The following IL1RAPL2 variants were observed in gnomAD, a reference collection of about 807,000 sequenced individuals.
The protein encoded by IL1RAPL2 is X-linked interleukin-1 receptor accessory protein-like 2.
In IL1RAPL2, 3 loss-of-function variants were observed where a neutral mutation model predicts 44.1. The ratio of observed to expected loss-of-function variants is 0.07; its 90% confidence interval spans 0.03 to 0.18. The LOEUF is 0.18. IL1RAPL2 is among the 10% of genes least tolerant of loss of function. The pLI is 1.00. For synonymous variants in IL1RAPL2, 181 were observed against 178.8 expected, an observed-to-expected ratio of 1.01 and a Z score of -0.10; for missense variants, 391 against 496.4, an observed-to-expected ratio of 0.79 and a Z score of 2.02.
intron 3 of IL1RAPL2, among the ~76,000 whole-genome samples, chrX:105,208,324 A>G (rs2147618592): frequency 8.9e-6 from 1 of 111,891 alleles, no homozygotes; most frequent in Admixed American, 9.5e-5. Context: ...ATGTTTCCAC[A>G]GAGAAAATGT....
intron 2 of IL1RAPL2, among the ~76,000 whole-genome samples, chrX:104,862,391 A>G (rs770778624): frequency 3.2e-4 from 35 of 110,178 alleles, no homozygotes; most frequent in Non-Finnish European, 5.3e-4. Context: ...GTATTTCTAG[A>G]TCAAGCCTTC....
chrX:104,572,589 C>T (rs1446813198), intron 1 of IL1RAPL2, among the ~76,000 whole-genome samples: 1 of 111,565 alleles, frequency 9.0e-6, no homozygotes, highest in Non-Finnish European at 1.9e-5. Flanking sequence ...TAATCTGTCC[C>T]TTTTCTTTTT....
At chrX:105,211,634 A>G (rs782046013) in intron 3 of IL1RAPL2, among the ~76,000 whole-genome samples, 55 of 111,676 alleles carry the variant, frequency 4.9e-4, no homozygotes, top group Non-Finnish European at 8.5e-4. Flanking sequence ...CTTATTTGCA[A>G]CTGCTCTCCT....
intron 6 of IL1RAPL2, among the ~76,000 whole-genome samples, chrX:105,629,197 G>T (rs1241661790): frequency 9.0e-6 from 1 of 111,197 alleles, no homozygotes; most frequent in Non-Finnish European, 1.9e-5. Context: ...CTAACCAGTG[G>T]GCTTAGAAGC....
intron 6 of IL1RAPL2, among the ~76,000 whole-genome samples, chrX:105,575,304 A>G (rs2037042666): frequency 9.1e-6 from 1 of 110,282 alleles, no homozygotes; most frequent in East Asian, 2.9e-4. Flanking sequence ...GTCATTGGTT[A>G]TTTTTTCGAT....
chrX:104,611,470 C>T (rs1336802707), intron 1 of IL1RAPL2, among the ~76,000 whole-genome samples: 1 of 111,044 alleles, frequency 9.0e-6, no homozygotes, highest in Non-Finnish European at 1.9e-5. Flanking sequence ...CTACTCAAGC[C>T]TCAGCAGTGG....
intron 2 of IL1RAPL2, among the ~76,000 whole-genome samples, chrX:104,831,638 A>C (rs1921610396): frequency 8.9e-6 from 1 of 111,829 alleles, no homozygotes; most frequent in Admixed American, 9.6e-5. Flanking sequence ...GGCTACAGCT[A>C]TCATTATTAC....
chrX:105,358,974 G>C (rs1043150150), intron 5 of IL1RAPL2, among the ~76,000 whole-genome samples: 1 of 111,814 alleles, frequency 8.9e-6, no homozygotes, highest in African/African-American at 3.2e-5. Context: ...TGGGTCTCTG[G>C]ATGATTATCC....
At chrX:104,741,397 A>G (rs1932100015) in intron 2 of IL1RAPL2, among the ~76,000 whole-genome samples, 1 of 111,240 alleles carries the variant, frequency 9.0e-6, no homozygotes, top group African/African-American at 3.2e-5. Context: ...CTCAATTTAG[A>G]CTTGAATTTT....
At chrX:104,783,761 T>A (rs927790491) in intron 2 of IL1RAPL2, among the ~76,000 whole-genome samples, 2 of 108,015 alleles carry the variant, frequency 1.9e-5, no homozygotes, top group Non-Finnish European at 1.9e-5. Context: ...TCCCAAGTCA[T>A]ACTAGATTTA....
At chrX:105,339,994 T>C (rs1052374668) in intron 5 of IL1RAPL2, among the ~76,000 whole-genome samples, 2 of 111,904 alleles carry the variant, frequency 1.8e-5, no homozygotes, top group Non-Finnish European at 3.8e-5. Flanking sequence ...GGCTTAATCC[T>C]TGGATTTACC....
chrX:105,007,504 C>T (rs1178400232), intron 2 of IL1RAPL2, among the ~76,000 whole-genome samples: 1 of 111,447 alleles, frequency 9.0e-6, no homozygotes, highest in Admixed American at 9.5e-5. Flanking sequence ...AAGAAGGAAA[C>T]TCCATCCTAA....
At chrX:105,504,545 T>C (rs2036417913) in intron 6 of IL1RAPL2, among the ~76,000 whole-genome samples, 1 of 111,647 alleles carries the variant, frequency 9.0e-6, no homozygotes, top group African/African-American at 3.2e-5. Flanking sequence ...TAAAATTCTT[T>C]CATTATAACA....
intron 2 of IL1RAPL2, among the ~76,000 whole-genome samples, chrX:105,184,494 TTATGAA>T (rs2033565615): frequency 9.1e-6 from 1 of 109,506 alleles, no homozygotes; most frequent in African/African-American, 3.3e-5. Context: ...CATTTATAAA[TTATGAA>T]TATAATATGC....
chrX:104,970,636 A>G (rs755466780), intron 2 of IL1RAPL2, among the ~76,000 whole-genome samples: 1 of 112,367 alleles, frequency 8.9e-6, no homozygotes, highest in South Asian at 3.7e-4. Flanking sequence ...GTAAACTGAC[A>G]TGGCACTGGT....
intron 2 of IL1RAPL2, among the ~76,000 whole-genome samples, chrX:104,956,461 A>AGTGTGTGTGTGTGTGTGTGTGTGTGT (rs59541869): frequency 1.8e-3 from 148 of 84,085 alleles, no homozygotes; most frequent in African/African-American, 6.5e-3. Flanking sequence ...GTCTCTACTA[A>AGTGTGTGTGTGTGTGTGTGTGTGTGT]GTGTGTGTGT....
chrX:104,706,457 G>T (rs766784648), intron 2 of IL1RAPL2, among the ~76,000 whole-genome samples: 1 of 111,459 alleles, frequency 9.0e-6, no homozygotes, highest in Non-Finnish European at 1.9e-5. Context: ...TAAGTCTTTT[G>T]CCTCAAATCC....
At chrX:104,929,642 C>T (rs1924851462) in intron 2 of IL1RAPL2, among the ~76,000 whole-genome samples, 2 of 112,027 alleles carry the variant, frequency 1.8e-5, no homozygotes, top group Middle Eastern at 4.6e-3. Flanking sequence ...TGTTAAACAG[C>T]ATGTGTGTTT....
rs766760368 is a variant in IL1RAPL2 at position 104,632,407 on chromosome X, C to T, written c.-19-26488C>T. Among the ~76,000 whole-genome samples the T allele has an allele frequency of 9.8e-5, 11 of 111,699 alleles. No homozygotes were observed. The East Asian group carries it at 2.8e-3, about 28-fold the overall frequency. On this transcript the variant is annotated intron_variant, in intron 1 of 10. Coordinates refer to ENST00000372582, the MANE Select transcript of IL1RAPL2 (RefSeq NM_017416.2). ...GTCATTGGTAGCTTGATGGGGATGG[C>T]ATTGAATCTATAAATTACCTTGGAC...
Sources: gnomAD v4.1 joint callset for allele counts (sites outside exome capture counted in the v4.1 genomes callset) on GRCh38, gnomAD v4.1.1 for gene constraint, MANE v1.5 for transcripts, NCBI Gene and HGNC (gene_info 2026-07-23, HGNC 2026-07-21) for gene names.